The following PIEZO2 variants were observed in gnomAD, a reference collection of about 807,000 sequenced individuals.
The protein encoded by PIEZO2 is piezo-type mechanosensitive ion channel component 2.
PIEZO2 carries 172 observed loss-of-function variants against 337.3 expected under a neutral mutation model. The observed-to-expected ratio is 0.51, with a 90% CI of 0.45 to 0.58. The LOEUF (loss-of-function observed/expected upper bound fraction) is 0.58, where lower values mean the gene tolerates loss of function less well. PIEZO2 is among the 20% of genes least tolerant of loss of function. PIEZO2 has a pLI of 0.00. For synonymous variants in PIEZO2, 1,251 were observed against 1,228.5 expected (o/e 1.02, Z -0.38); for missense variants, 3,028 against 3,391.3 (o/e 0.89, Z 2.66).
chr18:11,135,628 A>G (rs2040461588), intron 1 of PIEZO2, among the ~76,000 whole-genome samples: 1 of 151,964 alleles, frequency 6.6e-6, no homozygotes, highest in Non-Finnish European at 1.5e-5. Flanking sequence ...GCTCACCGTA[A>G]CCTCCGCCTC....
chr18:10,789,292 C>T lies in PIEZO2; in HGVS notation c.1956G>A (p.Lys652=). The T allele has an allele frequency of 6.5e-7, 1 of 1,537,342 alleles. No homozygotes were observed. The highest frequency in any genetic ancestry group is 1.4e-5 in the African/African-American group (1 of 73,158). ...CTTGCTCTACCTTCTTTCTCTCTTG[C>T]TTCTCTTCCTTCGCTTCCTCTTCTT... is the stretch of plus-strand genomic sequence containing the variant. The part of the protein sequence containing the change: ...EEEEEEAKEE[K]QERKKVEQEE... Residue 652 remains lysine (K), a synonymous_variant, in exon 15 of 56, where the codon AAG becomes AAA. Coordinates refer to ENST00000674853, the MANE Select transcript of PIEZO2 (RefSeq NM_001378183.1).
In PIEZO2 at chr18:10,699,309, TC is replaced by T. The variant is rs376084967; in HGVS notation, c.6442-133del. The T allele has an allele frequency of 3.4e-4, 411 of 1,214,264 alleles. 1 individual carries two copies. In the African/African-American group the frequency reaches 5.7e-3, roughly 17 times the overall value. The allele number at this position is 1,214,264 out of a possible 1,614,324, so 75.2% of individuals were successfully genotyped here. Reference sequence around the variant, plus strand: ...AGCAAGATGATATGGTTTGGCTGTGTCCCCATATCTCATCTTGAATTCCCAC... The same window carrying T: ...AGCAAGATGATATGGTTTGGCTGTGTCCCATATCTCATCTTGAATTCCCAC... On this transcript the variant is annotated intron_variant, in intron 43 of 55. Transcript: ENST00000674853.
chr18:11,132,623 G>A lies in PIEZO2; in HGVS notation c.64+15902C>T, dbSNP rs181999452. On this transcript the variant is annotated intron_variant, in intron 1 of 55. Transcript: ENST00000674853. This position sits in a 1 kb window ranked among gnomAD's most constrained non-coding sequence, Gnocchi z 4.7. ...AGCAAAATTTTTGCTTCCTGTTCCC[G>A]TGACATTACGTTCTGCTGGCCTAGA... Among the ~76,000 whole-genome samples the A allele has an allele frequency of 1.1e-4, 16 of 152,176 alleles. No homozygotes were observed. The highest frequency in any genetic ancestry group is 1.0e-3 in the South Asian group (5 of 4,810).
chr18:10,989,045 T>C (rs2034989620), intron 2 of PIEZO2, among the ~76,000 whole-genome samples: 1 of 152,118 alleles, frequency 6.6e-6, no homozygotes, highest in Non-Finnish European at 1.5e-5. Context: ...CAATACTGTA[T>C]TGTACACTTA....
At chr18:11,010,111 A>G (rs2035845148) in intron 2 of PIEZO2, among the ~76,000 whole-genome samples, 1 of 152,244 alleles carries the variant, frequency 6.6e-6, no homozygotes, top group Non-Finnish European at 1.5e-5. Flanking sequence ...CTTAACCAAT[A>G]GATTCCTAAT....
chr18:11,144,575 T>C (rs181785651), intron 1 of PIEZO2, among the ~76,000 whole-genome samples: 5 of 152,350 alleles, frequency 3.3e-5, no homozygotes, highest in East Asian at 3.9e-4. Flanking sequence ...TATGATTAGA[T>C]AGCCATATCT....
rs2041655558 is a variant in PIEZO2, at chr18:10,854,793, A to C, written c.917+560T>G. ...CAGCGGTGTGATCATGGCTCACCGC[A>C]GTCTTGACCTCCCAGGCTCAGGTGA... is the stretch of plus-strand genomic sequence containing the variant. On this transcript the variant is annotated intron_variant, in intron 7 of 55. Coordinates refer to ENST00000674853, the MANE Select transcript of PIEZO2 (RefSeq NM_001378183.1). This position sits in a 1 kb window ranked among gnomAD's most constrained non-coding sequence, Gnocchi z 4.6. Among the ~76,000 whole-genome samples, 1 of 152,140 alleles carries C rather than the reference A, an allele frequency of 6.6e-6. No individual in the cohort carries two copies. Among genetic ancestry groups the C allele is most frequent in the Non-Finnish European group, 1.5e-5 (1 of 68,020 alleles).
intron 3 of PIEZO2, among the ~76,000 whole-genome samples, chr18:10,971,911 C>T (rs934809413): frequency 9.2e-5 from 14 of 152,066 alleles, no homozygotes; most frequent in South Asian, 4.2e-4. Flanking sequence ...CAGCCTAAGG[C>T]GAGGCACTTT....
chr18:11,056,196 G>A (rs1047257308), intron 2 of PIEZO2, among the ~76,000 whole-genome samples: 6 of 152,202 alleles, frequency 3.9e-5, no homozygotes, highest in Admixed American at 3.9e-4. Context: ...CCTGTGCTGA[G>A]TGGTCATTGG....
In PIEZO2 at chr18:10,979,210, T is replaced by TA. The variant is rs1461762005; in HGVS notation, c.286+324dup. Among the ~76,000 whole-genome samples the TA allele has an allele frequency of 8.6e-4, 130 of 151,142 alleles. 1 individual carries two copies. Among genetic ancestry groups the TA allele is most frequent in the African/African-American group, 1.1e-3 (45 of 40,812 alleles). ...TAGAAATTGTACCTTTTTTTTTTTT[T>TA]ACTCGCTGTAATGAAAGCTCCAAGG... On this transcript the variant is annotated intron_variant, in intron 3 of 55. Coordinates refer to ENST00000674853, the MANE Select transcript of PIEZO2 (RefSeq NM_001378183.1). The surrounding 1 kb of genome is among the most constrained non-coding windows in gnomAD (Gnocchi z 4.0).
rs1367293388 is a variant in PIEZO2 at position 10,993,996 on chromosome 18, C to T, written c.161-14336G>A. 6.6e-6 allele frequency among the ~76,000 whole-genome samples: 1 copy of T among 150,766 alleles called. No individual in the cohort carries two copies. Among genetic ancestry groups the T allele is most frequent in the Non-Finnish European group, 1.5e-5 (1 of 67,988 alleles). On this transcript the variant is annotated intron_variant, in intron 2 of 55. Transcript: ENST00000674853. The surrounding 1 kb of genome is among the most constrained non-coding windows in gnomAD (Gnocchi z 5.0). ...CTGAAGCCAATTTGTATGCTTTTAT[C>T]CCTCGCCCCTTCCCACACTTTCCCC...
At position 10,899,932 on chromosome 18, in the gene PIEZO2, T is replaced by C. The variant is rs1049285183; in HGVS notation, c.329+11254A>G. Among the ~76,000 whole-genome samples the C allele has an allele frequency of 6.6e-6, 1 of 152,224 alleles. No homozygotes were observed. Among genetic ancestry groups the C allele is most frequent in the Non-Finnish European group, 1.5e-5 (1 of 68,036 alleles). On this transcript the variant is annotated intron_variant, in intron 4 of 55. Transcript: ENST00000674853. This position sits in a 1 kb window ranked among gnomAD's most constrained non-coding sequence, Gnocchi z 4.6. ...CGAAGACTGTTTATATTAGTCATAA[T>C]GATCCAATTTAGGAAGATGGAGATT...
intron 9 of PIEZO2, among the ~76,000 whole-genome samples, chr18:10,803,441 G>T (rs2039893822): frequency 6.6e-6 from 1 of 152,158 alleles, no homozygotes; most frequent in Admixed American, 6.5e-5. Context: ...GCCTCAAAGT[G>T]ATGAGCTCAC....
At chr18:10,932,622 G>GAAGGAAAAGAA (rs1335168475) in intron 3 of PIEZO2, among the ~76,000 whole-genome samples, 1 of 152,056 alleles carries the variant, frequency 6.6e-6, no homozygotes, top group Non-Finnish European at 1.5e-5. Flanking sequence ...TAAGTTTTAG[G>GAAGGAAAAGAA]AAGGAAAAGA....
intron 3 of PIEZO2, among the ~76,000 whole-genome samples, chr18:10,976,491 G>C (rs2034445745): frequency 6.6e-6 from 1 of 152,032 alleles, no homozygotes. Context: ...AAAAATACTG[G>C]AACTTGAAAT....
At chr18:11,071,834 T>A (rs550457872) in intron 1 of PIEZO2, among the ~76,000 whole-genome samples, 2 of 152,278 alleles carry the variant, frequency 1.3e-5, no homozygotes, top group East Asian at 3.9e-4. Flanking sequence ...TTGCAAGGGC[T>A]CCGGGGACTT....
chr18:11,046,937 G>A (rs2145832577), intron 2 of PIEZO2, among the ~76,000 whole-genome samples: 1 of 152,300 alleles, frequency 6.6e-6, no homozygotes, highest in Admixed American at 6.5e-5. Context: ...TCCAAAACTT[G>A]TCTTTGATAC....
At chr18:10,710,389 C>A (rs972220652) in intron 39 of PIEZO2, among the ~76,000 whole-genome samples, 8 of 152,218 alleles carry the variant, frequency 5.3e-5, no homozygotes, top group Non-Finnish European at 8.8e-5. Context: ...CGGGCCCCCC[C>A]ACTGCCAGCA....
chr18:11,093,576 CTTTTTTTTTT>C (rs67441841), intron 1 of PIEZO2, among the ~76,000 whole-genome samples: 3 of 56,632 alleles, frequency 5.3e-5, no homozygotes, highest in African/African-American at 2.0e-4. Flanking sequence ...CACTCAACAT[CTTTTTTTTTT>C]TTTTTTTTTT....
Sources: allele counts gnomAD v4.1 joint callset (sites outside exome capture counted in the v4.1 genomes callset), GRCh38; gene constraint gnomAD v4.1.1; non-coding constraint Gnocchi (gnomAD v3.1); transcripts MANE v1.5; gene names NCBI Gene and HGNC (gene_info 2026-07-23, HGNC 2026-07-21).